Variants in DRC7 observed in about 807,000 individuals in gnomAD.
The protein encoded by DRC7 is coiled-coil domain containing 135.
DRC7 carries 80 observed loss-of-function variants against 104.4 expected under a neutral mutation model. The ratio of observed to expected loss-of-function variants is 0.77; its 90% CI spans 0.64 to 0.92. The LOEUF is 0.92. Ranked by LOEUF, DRC7 falls within the 40% of genes least tolerant of loss-of-function variation. The pLI, the probability that DRC7 is intolerant of heterozygous loss-of-function variation, is 0.00. For synonymous variants in DRC7, 405 were observed against 447.3 expected (o/e 0.91, Z 1.19); for missense variants, 1,034 against 1,141.1 (o/e 0.91, Z 1.35).
At chr16:57,710,769 T>A (rs1281263265) in intron 8 of DRC7, among the ~76,000 whole-genome samples, 1 of 152,244 alleles carries the variant, frequency 6.6e-6, no homozygotes, top group Non-Finnish European at 1.5e-5. Context: ...TTTTTTAGTT[T>A]ATCTACATGG....
intron 2 of DRC7, among the ~76,000 whole-genome samples, chr16:57,697,364 C>T (rs1441035799): frequency 6.6e-6 from 1 of 151,730 alleles, no homozygotes; most frequent in Non-Finnish European, 1.5e-5. Context: ...CGCTTGAGGC[C>T]AGGAGTTTGA....
chr16:57,705,072 C>T, intron 7 of DRC7, 38 bp downstream of exon 7: 3 of 1,597,796 alleles, frequency 1.9e-6, no homozygotes, highest in Non-Finnish European at 2.6e-6. Context: ...GCTCAGCTAT[C>T]GAGAAAGGAC....
chr16:57,702,660 G>T (rs570210573), intron 6 of DRC7, among the ~76,000 whole-genome samples: 1 of 152,076 alleles, frequency 6.6e-6, no homozygotes, highest in African/African-American at 2.4e-5. Flanking sequence ...AATTAGCCAC[G>T]CATGGTGGCA....
intron 12 of DRC7, 50 bp from the exon 13 acceptor site, chr16:57,724,565 T>A: frequency 7.2e-7 from 1 of 1,390,616 alleles, no homozygotes; most frequent in Non-Finnish European, 9.9e-7. Context: ...GCAGCCATAC[T>A]TCCTAGTGCT....
Position 57,728,526 on chromosome 16 carries a change from G to A in DRC7, c.2333G>A (p.Ser778Asn), listed in dbSNP as rs1158906979. Residue 778 changes from serine to asparagine, a missense_variant, in exon 17 of 19, where the codon AGC becomes AAC. By Grantham distance (46) the Ser-to-Asn change is conservative. Coordinates refer to ENST00000360716, the MANE Select transcript of DRC7 (RefSeq NM_001289162.2). ...QAVRLKDECL[S>N]DFKQRLINKA... ...GTGCGCCTCAAGGATGAGTGCCTCAGCGACTTCAAGCAGCGGCTCATCAAC... is the reference window on the plus strand; with the variant it reads ...GTGCGCCTCAAGGATGAGTGCCTCAACGACTTCAAGCAGCGGCTCATCAAC... 1.9e-6 allele frequency: 3 copies of A among 1,611,708 alleles called. No homozygotes were observed. The highest frequency in any genetic ancestry group is 2.5e-6 in the Non-Finnish European group (3 of 1,179,442).
At position 57,698,133 on chromosome 16, in the gene DRC7, A is replaced by C. The variant is rs765943153; in HGVS notation, c.184A>C (p.Thr62Pro). 3.4e-5 allele frequency: 55 copies of C among 1,614,046 alleles called. No homozygotes were observed. The highest frequency in any genetic ancestry group is 4.5e-5 in the Non-Finnish European group (53 of 1,180,042). Residue 62 changes from threonine to proline, a missense_variant, in exon 3 of 19, where the codon ACT (threonine) becomes CCT (proline). Transcript: ENST00000360716. ...GAAGAAGCTGTCAGAGATCCAGATCACTGTCTCAGCGGAGCTCCCGTGAGT... is the reference window on the plus strand; with the variant it reads ...GAAGAAGCTGTCAGAGATCCAGATCCCTGTCTCAGCGGAGCTCCCGTGAGT... ...LEKKLSEIQI[T>P]VSAELPAFTK... is the part of the protein sequence containing the mutation.
intron 8 of DRC7, 46 bp from the exon 9 acceptor site, chr16:57,718,301 T>C (rs1431867245): frequency 6.2e-7 from 1 of 1,602,338 alleles, no homozygotes; most frequent in Non-Finnish European, 8.5e-7. Context: ...GGTGGGGACG[T>C]GGTGGCTGTG....
chr16:57,697,795 A>G, intron 2 of DRC7, 118 bp from the exon 3 acceptor site: 2 of 1,103,024 alleles, frequency 1.8e-6, no homozygotes, highest in East Asian at 2.4e-5. Flanking sequence ...ATCACTCCCT[A>G]TGTGTTCGAC....
Position 57,697,996 on chromosome 16 carries a change from G to C in DRC7, c.47G>C (p.Arg16Pro), listed in dbSNP as rs752118158. ...EKVEEEEEAE[R>P]EEAAEWAEWA... ...GTGGAGGAGGAGGAGGAGGCCGAGCGGGAGGAGGCGGCCGAGTGGGCTGAA... is the reference window on the plus strand; with the variant it reads ...GTGGAGGAGGAGGAGGAGGCCGAGCCGGAGGAGGCGGCCGAGTGGGCTGAA... The change falls in exon 3 of 19, where the codon CGG becomes CCG. Residue 16 changes from arginine to proline, a missense_variant. By Grantham distance (103) the Arg-to-Pro change is moderately radical (BLOSUM62 -2). Transcript: ENST00000360716. 1.2e-6 allele frequency: 2 copies of C among 1,613,622 alleles called. No homozygotes were observed. Among genetic ancestry groups the C allele is most frequent in the Non-Finnish European group, 1.7e-6 (2 of 1,180,008 alleles).
chr16:57,714,541 G>C (rs1417487132), intron 8 of DRC7, among the ~76,000 whole-genome samples: 1 of 152,034 alleles, frequency 6.6e-6, no homozygotes, highest in African/African-American at 2.4e-5. Context: ...TGGGACGATT[G>C]CTTGAGCCCG....
chr16:57,707,466 G>T lies in DRC7; in HGVS notation c.865G>T (p.Glu289Ter). ...ACCCACCTTTCCTTGGCAGGAAGCG[G>T]AGAAGGCAAAGCCGGATGCCCTGCA... is the stretch of plus-strand genomic sequence containing the variant. ...REEEERLMEA[E>*]KAKPDALHGL... Residue 289 changes from glutamate (E) to a stop codon, truncating the protein, a stop_gained, in exon 8 of 19, where the codon GAG (glutamate) becomes TAG (stop). Transcript: ENST00000360716. LOFTEE classifies it high-confidence loss of function. 6.2e-7 allele frequency: 1 copy of T among 1,611,616 alleles called. No individual in the cohort carries two copies. The highest frequency in any genetic ancestry group is 8.5e-7 in the Non-Finnish European group (1 of 1,178,784).
intron 8 of DRC7, chr16:57,714,358 C>T (rs945022530): frequency 1.2e-5 from 2 of 171,832 alleles, no homozygotes; most frequent in South Asian, 1.3e-4. Context: ...TGGCGGCTTA[C>T]GCCTGTAATC....
chr16:57,731,525 A>T lies in DRC7; in HGVS notation c.*267A>T. 1 of 474,518 alleles carries T rather than the reference A, an allele frequency of 2.1e-6. No homozygotes were observed. The highest frequency in any genetic ancestry group is 3.8e-6 in the Non-Finnish European group (1 of 264,332). The allele number at this position is 474,518 out of a possible 1,614,324, so 29.4% of individuals were successfully genotyped here. A position where few individuals can be genotyped will look rare whatever the true frequency, so the allele number is the denominator to read the frequency against. On this transcript the variant is annotated 3_prime_UTR_variant, in exon 19 of 19. Coordinates refer to ENST00000360716, the MANE Select transcript of DRC7 (RefSeq NM_001289162.2). ...CTTCTGTTATCTATAGCCTGGGACCACCCCCTTCCTCCCCTTGGCCTGTCG... is the reference window on the plus strand; with the variant it reads ...CTTCTGTTATCTATAGCCTGGGACCTCCCCCTTCCTCCCCTTGGCCTGTCG...
intron 9 of DRC7, 138 bp from the exon 10 acceptor site, chr16:57,721,529 T>C: frequency 1.5e-6 from 1 of 660,650 alleles, no homozygotes; most frequent in Non-Finnish European, 2.7e-6. Context: ...TGGGTCGTGC[T>C]CATGACCTCC....
intron 8 of DRC7, chr16:57,707,941 G>A (rs1597799414): frequency 3.9e-6 from 2 of 514,252 alleles, no homozygotes; most frequent in East Asian, 3.6e-5. Context: ...ATATTGAAGT[G>A]TAACCTACAT....
chr16:57,727,208 C>T, intron 15 of DRC7, 91 bp from the exon 16 acceptor site: 2 of 1,003,856 alleles, frequency 2.0e-6, no homozygotes, highest in Non-Finnish European at 1.6e-6. Flanking sequence ...TGAATTCATG[C>T]AATCTGCCCT....
In DRC7 at chr16:57,701,922, C is replaced by T; in HGVS notation, c.505-14C>T. The stretch of plus-strand genomic sequence containing the variant: ...GCGGGGCCCCAGCTGTGCTGACCGT[C>T]CCACTGTGACCAGCCCTCGCACCTG... On this transcript the variant is annotated splice_polypyrimidine_tract_variant and intron_variant, in intron 5 of 18. Transcript: ENST00000360716. 2 of 1,610,928 alleles carry T rather than the reference C, an allele frequency of 1.2e-6. No individual in the cohort carries two copies. Among genetic ancestry groups the T allele is most frequent in the Non-Finnish European group, 1.7e-6 (2 of 1,178,228 alleles).
chr16:57,695,996 G>C (rs993882478), intron 1 of DRC7, among the ~76,000 whole-genome samples: 7 of 152,240 alleles, frequency 4.6e-5, no homozygotes, highest in Admixed American at 1.3e-4. Flanking sequence ...ACCCAGGGAA[G>C]TGGGGGATGA....
chr16:57,721,818 AG>A (rs2148764677), intron 10 of DRC7, 79 bp downstream of exon 10: 3 of 1,040,388 alleles, frequency 2.9e-6, no homozygotes, highest in Non-Finnish European at 4.4e-6. Context: ...ACAGCGAGGC[AG>A]GGGGACACAG....
Sources: gnomAD v4.1 joint callset for allele counts (sites outside exome capture counted in the v4.1 genomes callset) on GRCh38, gnomAD v4.1.1 for gene constraint, MANE v1.5 for transcripts, NCBI Gene and HGNC (gene_info 2026-07-23, HGNC 2026-07-21) for gene names.